NKAIN2: variants seen among roughly 807,000 people sequenced by gnomAD.
The protein encoded by NKAIN2 is sodium/potassium-transporting ATPase subunit beta-1-interacting protein 2.
Under a neutral mutation model 32.6 loss-of-function variants are expected in NKAIN2, and 14 were observed. The observed-to-expected ratio is 0.43, with a 90% confidence interval of 0.28 to 0.67. The LOEUF (loss-of-function observed/expected upper bound fraction) is 0.67. Ranked by LOEUF, NKAIN2 falls within the 30% of genes least tolerant of loss-of-function variation. NKAIN2 has a pLI of 0.17. For synonymous variants in NKAIN2, 80 were observed against 87.2 expected, an observed-to-expected ratio of 0.92 and a Z score of 0.46; for missense variants, 198 against 258.3, an observed-to-expected ratio of 0.77 and a Z score of 1.60.
At chr6:124,322,503 A>G (rs949661590) in intron 2 of NKAIN2, among the ~76,000 whole-genome samples, 1 of 152,180 alleles carries the variant, frequency 6.6e-6, no homozygotes, top group Non-Finnish European at 1.5e-5. Context: ...TGATAAAAAT[A>G]TTTGTGCTAC....
At chr6:123,941,471 A>G (rs900140534) in intron 1 of NKAIN2, among the ~76,000 whole-genome samples, 3 of 151,864 alleles carry the variant, frequency 2.0e-5, no homozygotes, top group Non-Finnish European at 4.4e-5. Context: ...ACACATGAGT[A>G]ATGCCTCTCA....
chr6:124,267,064 A>C (rs1168801862), intron 1 of NKAIN2, among the ~76,000 whole-genome samples: 1 of 151,776 alleles, frequency 6.6e-6, no homozygotes, highest in South Asian at 2.1e-4. Context: ...TAAAATGTTA[A>C]ATCACAGGAA....
chr6:124,676,118 TTATTCATGAATTCTCC>T (rs1479055026), intron 4 of NKAIN2, among the ~76,000 whole-genome samples: 1 of 152,194 alleles, frequency 6.6e-6, no homozygotes, highest in Admixed American at 6.5e-5. Flanking sequence ...TAATTCTCAC[TTATTCATGAATTCTCC>T]TATGTTTCTT....
chr6:124,424,712 C>A (rs1165653434), intron 3 of NKAIN2, among the ~76,000 whole-genome samples: 1 of 109,398 alleles, frequency 9.1e-6, no homozygotes, highest in African/African-American at 2.7e-5. Flanking sequence ...GCATAATGAC[C>A]CCCCCACCAG....
At chr6:124,292,495 C>G (rs772589015) in intron 2 of NKAIN2, among the ~76,000 whole-genome samples, 3 of 150,070 alleles carry the variant, frequency 2.0e-5, no homozygotes, top group South Asian at 2.1e-4. Context: ...GTATGTTTTA[C>G]TTTGGTGTAA....
At chr6:124,816,330 C>A (rs1021194649) in intron 5 of NKAIN2, among the ~76,000 whole-genome samples, 3 of 152,216 alleles carry the variant, frequency 2.0e-5, no homozygotes, top group African/African-American at 7.2e-5. Context: ...GGCAGCGAAA[C>A]TGTTACGGTA....
chr6:124,135,325 C>T (rs567853813), intron 1 of NKAIN2, among the ~76,000 whole-genome samples: 1 of 151,598 alleles, frequency 6.6e-6, no homozygotes, highest in Non-Finnish European at 1.5e-5. Context: ...TTAAAAGATA[C>T]AGAACGGCAG....
intron 1 of NKAIN2, among the ~76,000 whole-genome samples, chr6:123,974,634 A>T (rs1156488067): frequency 6.6e-6 from 1 of 152,180 alleles, no homozygotes; most frequent in African/African-American, 2.4e-5. Context: ...AAGGTTGACC[A>T]TTGAATTGAA....
At chr6:124,510,828 A>T (rs1778682136) in intron 3 of NKAIN2, among the ~76,000 whole-genome samples, 1 of 152,210 alleles carries the variant, frequency 6.6e-6, no homozygotes, top group African/African-American at 2.4e-5. Flanking sequence ...ACATGTAGAA[A>T]ATATATCAGG....
rs561816618 is a variant in NKAIN2, at chr6:124,463,643, T to A, written c.273+108296T>A. Among the ~76,000 whole-genome samples the A allele has an allele frequency of 3.9e-5, 6 of 152,244 alleles. No individual in the cohort carries two copies. In the East Asian group the frequency reaches 1.2e-3, roughly 29 times the overall value. ...CCAATTATTTAAAGAGGTAAGTTTG[T>A]GCTATCTCATCGTACCTTTCTTAAC... On this transcript the variant is annotated intron_variant, in intron 3 of 6. Coordinates refer to ENST00000368417, the MANE Select transcript of NKAIN2 (RefSeq NM_001040214.3).
At chr6:124,525,483 G>T (rs1022961495) in intron 3 of NKAIN2, among the ~76,000 whole-genome samples, 2 of 152,026 alleles carry the variant, frequency 1.3e-5, no homozygotes, top group Admixed American at 1.3e-4. Flanking sequence ...TTAATTTAAT[G>T]ATTCTAACAA....
At chr6:124,644,664 C>G (rs145528262) in intron 3 of NKAIN2, among the ~76,000 whole-genome samples, 1 of 152,158 alleles carries the variant, frequency 6.6e-6, no homozygotes, top group Non-Finnish European at 1.5e-5. Context: ...TCGGCCCCCC[C>G]AAAGTGCTGG....
At chr6:124,565,706 GT>G (rs1274691707) in intron 3 of NKAIN2, among the ~76,000 whole-genome samples, 1 of 152,142 alleles carries the variant, frequency 6.6e-6, no homozygotes, top group African/African-American at 2.4e-5. Context: ...GTAAATTTAA[GT>G]AACCAATAAA....
chr6:124,753,363 A>C (rs890131149), intron 4 of NKAIN2, among the ~76,000 whole-genome samples: 1 of 152,250 alleles, frequency 6.6e-6, no homozygotes, highest in African/African-American at 2.4e-5. Context: ...AAAACCTCCT[A>C]AGATAATCTC....
At chr6:124,771,445 A>G (rs1161327544) in intron 4 of NKAIN2, among the ~76,000 whole-genome samples, 1 of 152,114 alleles carries the variant, frequency 6.6e-6, no homozygotes, top group African/African-American at 2.4e-5. Context: ...TGAAAATAGG[A>G]GATTGAGTGA....
At chr6:124,058,486 C>T (rs1049283295) in intron 1 of NKAIN2, among the ~76,000 whole-genome samples, 1 of 151,982 alleles carries the variant, frequency 6.6e-6, no homozygotes, top group Non-Finnish European at 1.5e-5. Context: ...CTTAGAGTTC[C>T]GTATGCCTCT....
At chr6:124,538,518 A>G (rs1419898682) in intron 3 of NKAIN2, among the ~76,000 whole-genome samples, 4 of 152,096 alleles carry the variant, frequency 2.6e-5, no homozygotes, top group African/African-American at 9.7e-5. Context: ...CCTAAAAGTC[A>G]TTCTGATATG....
At chr6:123,930,005 T>C (rs1331766419) in intron 1 of NKAIN2, among the ~76,000 whole-genome samples, 1 of 152,052 alleles carries the variant, frequency 6.6e-6, no homozygotes, top group Non-Finnish European at 1.5e-5. Context: ...GCCTCAATAA[T>C]TTCAGTCCAT....
intron 3 of NKAIN2, among the ~76,000 whole-genome samples, chr6:124,609,295 A>C (rs1007366059): frequency 1.3e-5 from 2 of 152,196 alleles, no homozygotes; most frequent in African/African-American, 2.4e-5. Flanking sequence ...TCAAAAGAAA[A>C]GGAAAGAAAG....
Sources: allele counts gnomAD v4.1 joint callset (sites outside exome capture counted in the v4.1 genomes callset), GRCh38; gene constraint gnomAD v4.1.1; transcripts MANE v1.5; gene names NCBI Gene and HGNC (gene_info 2026-07-23, HGNC 2026-07-21).